Variants in SETBP1 observed in about 807,000 individuals in gnomAD.
The protein encoded by SETBP1 is SET binding protein 1.
Under a neutral mutation model 101.0 loss-of-function variants are expected in SETBP1, and 9 were observed. That is an observed-to-expected ratio of 0.09 (90% CI 0.05 to 0.16). The LOEUF (loss-of-function observed/expected upper bound fraction) is 0.16. Among genes scored for constraint, SETBP1 ranks in the 10% least tolerant of loss-of-function variants. The probability of loss-of-function intolerance (pLI) is 1.00; values close to 1 mark genes in which losing one functional copy is unlikely to be tolerated. For synonymous variants in SETBP1, 818 were observed against 788.5 expected, an observed-to-expected ratio of 1.04 and a Z score of -0.63; for missense variants, 1,858 against 2,033.8, an observed-to-expected ratio of 0.91 and a Z score of 1.66.
At chr18:45,014,709 T>A (rs2072907483) in intron 4 of SETBP1, among the ~76,000 whole-genome samples, 1 of 152,130 alleles carries the variant, frequency 6.6e-6, no homozygotes, top group Non-Finnish European at 1.5e-5. Flanking sequence ...AATCTGACCC[T>A]ACCACCTACT....
rs557127132 is a variant in SETBP1, at chr18:44,777,882, C to T, written c.486+76050C>T. Among the ~76,000 whole-genome samples, 12 of 152,348 alleles carry T rather than the reference C, an allele frequency of 7.9e-5. No homozygotes were observed. In the South Asian group the frequency reaches 2.5e-3, roughly 32 times the overall value. On this transcript the variant is annotated intron_variant, in intron 2 of 5. Transcript: ENST00000649279. ...TTATTTGTCTATTGGATCAGAATGG[C>T]ACTGATTAGTACTTTCTGTGCAAAA...
At chr18:44,733,441 C>G (rs1356866416) in intron 2 of SETBP1, 1 of 152,224 alleles carries the variant, frequency 6.6e-6, no homozygotes, top group Non-Finnish European at 1.5e-5. Context: ...AGTCAAGGAA[C>G]TGTATCTCTC....
At chr18:44,834,843 G>A (rs554407487) in intron 2 of SETBP1, among the ~76,000 whole-genome samples, 2 of 152,148 alleles carry the variant, frequency 1.3e-5, no homozygotes, top group Non-Finnish European at 2.9e-5. Flanking sequence ...GGACAAGAAA[G>A]GATATGAGTT....
At chr18:44,906,394 G>A (rs953882358) in intron 3 of SETBP1, among the ~76,000 whole-genome samples, 1 of 152,108 alleles carries the variant, frequency 6.6e-6, no homozygotes, top group African/African-American at 2.4e-5. Flanking sequence ...AGTACCTTTT[G>A]GTGTAGCTAG....
intron 4 of SETBP1, among the ~76,000 whole-genome samples, chr18:44,966,556 A>G (rs1176556480): frequency 1.3e-5 from 2 of 152,128 alleles, no homozygotes; most frequent in Non-Finnish European, 2.9e-5. Flanking sequence ...CCCAAATCAA[A>G]TTTGAGTTGT....
At chr18:44,802,241 T>G (rs2071622429) in intron 2 of SETBP1, among the ~76,000 whole-genome samples, 7 of 152,170 alleles carry the variant, frequency 4.6e-5, no homozygotes. Flanking sequence ...TTTTCTATGA[T>G]AGTTTCTGCT....
intron 3 of SETBP1, among the ~76,000 whole-genome samples, chr18:44,877,721 A>G (rs2069441172): frequency 2.6e-5 from 4 of 152,116 alleles, no homozygotes; most frequent in African/African-American, 9.7e-5. Flanking sequence ...TCCTCCCACA[A>G]GTATACATTT....
chr18:44,704,224 G>C (rs2069172347), intron 2 of SETBP1, among the ~76,000 whole-genome samples: 1 of 152,214 alleles, frequency 6.6e-6, no homozygotes, highest in African/African-American at 2.4e-5. Context: ...AGTGGACTTT[G>C]GTGCTCATAT....
At chr18:44,853,752 T>A (rs1360691387) in intron 2 of SETBP1, among the ~76,000 whole-genome samples, 1 of 152,246 alleles carries the variant, frequency 6.6e-6, no homozygotes, top group Non-Finnish European at 1.5e-5. Context: ...TCCAGGAGTC[T>A]TAACCTCAGT....
chr18:44,694,861 A>G (rs534950181), intron 1 of SETBP1, among the ~76,000 whole-genome samples: 1 of 152,374 alleles, frequency 6.6e-6, no homozygotes, highest in Non-Finnish European at 1.5e-5. Context: ...CAGCAACATT[A>G]GAGTTTCAGA....
Position 44,951,686 on chromosome 18 carries a change from G to T in SETBP1, c.2346G>T (p.Gln782His), listed in dbSNP as rs752914327. 1.7e-5 allele frequency: 27 copies of T among 1,614,140 alleles called. No homozygotes were observed. The Admixed American group carries it at 4.5e-4, about 27-fold the overall frequency. ...CAGCTATGCACCCACTTTCAACACA[G>T]TTAGGTGGGTCCAATGGCAACCTGA... is the stretch of plus-strand genomic sequence containing the variant. ...SPAAMHPLST[Q>H]LGGSNGNLSP... Residue 782 changes from glutamine to histidine, a missense_variant, in exon 4 of 6, where the codon CAG (glutamine) becomes CAT (histidine). Around this residue, in one of 12 missense-constraint regions of SETBP1, gnomAD observed 121 missense variants for 138.0 expected, o/e 0.88. Coordinates refer to ENST00000649279, the MANE Select transcript of SETBP1 (RefSeq NM_015559.3). This position sits in a 1 kb window ranked among gnomAD's most constrained non-coding sequence, Gnocchi z 7.8.
At chr18:45,035,580 C>A (rs1056096273) in intron 4 of SETBP1, among the ~76,000 whole-genome samples, 3 of 152,196 alleles carry the variant, frequency 2.0e-5, no homozygotes, top group Admixed American at 2.0e-4. Context: ...ATTAAAGTGA[C>A]TTGACTCCGT....
At chr18:44,999,888 G>A (rs929759046) in intron 4 of SETBP1, among the ~76,000 whole-genome samples, 4 of 152,220 alleles carry the variant, frequency 2.6e-5, no homozygotes, top group East Asian at 3.8e-4. Flanking sequence ...AAGAGAGCTC[G>A]TGACTGATCA....
At chr18:44,823,101 A>T (rs970761055) in intron 2 of SETBP1, among the ~76,000 whole-genome samples, 3 of 152,340 alleles carry the variant, frequency 2.0e-5, no homozygotes, top group Admixed American at 6.5e-5. Flanking sequence ...GCTGCACTCC[A>T]GGCTAGGCGA....
chr18:44,840,282 G>A (rs2072590031), intron 2 of SETBP1, among the ~76,000 whole-genome samples: 2 of 152,218 alleles, frequency 1.3e-5, no homozygotes, highest in Non-Finnish European at 2.9e-5. Flanking sequence ...CGCAGCCAAT[G>A]AGCCAGCATG....
chr18:44,790,137 G>A (rs1193427214), intron 2 of SETBP1, among the ~76,000 whole-genome samples: 1 of 152,116 alleles, frequency 6.6e-6, no homozygotes, highest in Non-Finnish European at 1.5e-5. Flanking sequence ...GAAAAAAATA[G>A]CCACATGCCC....
chr18:45,021,927 T>C (rs1349368139), intron 4 of SETBP1, among the ~76,000 whole-genome samples: 1 of 152,140 alleles, frequency 6.6e-6, no homozygotes, highest in Non-Finnish European at 1.5e-5. Flanking sequence ...CCAATAAATG[T>C]TGAGGAAGAG....
intron 4 of SETBP1, among the ~76,000 whole-genome samples, chr18:44,973,454 AG>A (rs2071914432): frequency 6.6e-6 from 1 of 152,190 alleles, no homozygotes; most frequent in Non-Finnish European, 1.5e-5. Flanking sequence ...GGAGACCCAA[AG>A]GATGCAGTTG....
Position 44,811,429 on chromosome 18 carries a change from A to T in SETBP1, c.487-57801A>T, listed in dbSNP as rs141203337. Among the ~76,000 whole-genome samples, 4 of 152,306 alleles carry T rather than the reference A, an allele frequency of 2.6e-5. No individual in the cohort carries two copies. In the East Asian group the frequency reaches 5.8e-4, roughly 22 times the overall value. ...CCACATGCTTTGCCAAAGGAGGGAG[A>T]TATCAATGAAAGTAATTACAGGTTG... On this transcript the variant is annotated intron_variant, in intron 2 of 5. Coordinates refer to ENST00000649279, the MANE Select transcript of SETBP1 (RefSeq NM_015559.3).
Sources: gnomAD v4.1 joint callset for allele counts (sites outside exome capture counted in the v4.1 genomes callset) on GRCh38, gnomAD v4.1.1 for gene constraint, gnomAD v4.1.1 regional missense constraint, Gnocchi (gnomAD v3.1) non-coding constraint, MANE v1.5 for transcripts, NCBI Gene and HGNC (gene_info 2026-07-23, HGNC 2026-07-21) for gene names.